The following LUZP2 variants were observed in gnomAD, a reference collection of about 807,000 sequenced individuals.
The protein encoded by LUZP2 is leucine zipper protein 2.
In LUZP2, 52 loss-of-function variants were observed where a neutral mutation model predicts 51.6. That is an observed-to-expected ratio of 1.01 (90% confidence interval 0.81 to 1.27). LUZP2 has a LOEUF of 1.27. Ranked by LOEUF, LUZP2 falls within the 50% of genes most tolerant of loss-of-function variation. The pLI, the probability that LUZP2 is intolerant of heterozygous loss-of-function variation, is 0.00. For missense variants in LUZP2, 436 were observed against 395.4 expected, an observed-to-expected ratio of 1.10 and a Z score of -0.87; for synonymous variants, 154 against 137.3, an observed-to-expected ratio of 1.12 and a Z score of -0.85.
At chr11:24,766,441 T>C (rs983560871) in intron 5 of LUZP2, among the ~76,000 whole-genome samples, 12 of 152,150 alleles carry the variant, frequency 7.9e-5, no homozygotes, top group Non-Finnish European at 1.5e-4. Flanking sequence ...TACAAGGACA[T>C]AAGAAAAAGA....
At chr11:25,046,748 T>A (rs949504948) in intron 9 of LUZP2, among the ~76,000 whole-genome samples, 2 of 152,122 alleles carry the variant, frequency 1.3e-5, no homozygotes, top group African/African-American at 2.4e-5. Context: ...ATTGAAAATT[T>A]AAAAAATCAT....
intron 1 of LUZP2, among the ~76,000 whole-genome samples, chr11:24,504,611 A>G (rs1850095629): frequency 6.6e-6 from 1 of 152,208 alleles, no homozygotes; most frequent in African/African-American, 2.4e-5. Context: ...GTCCCTCAGA[A>G]TATGCTAAGA....
At position 25,079,943 on chromosome 11, in the gene LUZP2, G is replaced by A. The variant is rs907175700; in HGVS notation, c.*1285G>A. The A allele has an allele frequency of 2.6e-5, 4 of 152,080 alleles. No individual in the cohort carries two copies. The highest frequency in any genetic ancestry group is 5.9e-5 in the Non-Finnish European group (4 of 68,006). 9.4% of individuals were successfully genotyped at this position (152,080 alleles called of 1,614,324 possible). On this transcript the variant is annotated 3_prime_UTR_variant, in exon 12 of 12. Transcript: ENST00000336930. ...TAAAGGAAATCTTTAATCAATAAAT[G>A]AACTTAGATTCTGAGATTTAATGGC...
In LUZP2 at chr11:25,082,132, T is replaced by G. The variant is rs2134068971; in HGVS notation, c.*3474T>G. The G allele has an allele frequency of 6.5e-6, 1 of 152,732 alleles. No homozygotes were observed. The highest frequency in any genetic ancestry group is 2.1e-4 in the South Asian group (1 of 4,830). The allele number at this position is 152,732 out of a possible 1,614,324, so 9.5% of individuals were successfully genotyped here. A position where few individuals can be genotyped will look rare whatever the true frequency, so the allele number is the denominator to read the frequency against. On this transcript the variant is annotated 3_prime_UTR_variant, in exon 12 of 12. Transcript: ENST00000336930. ...TCTGGATGTAGTTTTCTGTGTAATC[T>G]CAAATATCTGAATATTGAAAAAACT...
rs73431139 is a variant in LUZP2, at chr11:24,560,689, G to T, written c.62+63384G>T. On this transcript the variant is annotated intron_variant, in intron 1 of 11. Transcript: ENST00000336930. ...AATTTGATGTAGGATTCTGGAACAGGTATAATTAAAAGCTCTCCTATGCGC... is the reference window on the plus strand; with the variant it reads ...AATTTGATGTAGGATTCTGGAACAGTTATAATTAAAAGCTCTCCTATGCGC... Among the ~76,000 whole-genome samples, 508 of 152,232 alleles carry T rather than the reference G, an allele frequency of 3.3e-3. 2 individuals are homozygous for T. The highest frequency in any genetic ancestry group is 0.017 in the Middle Eastern group (5 of 294).
intron 1 of LUZP2, among the ~76,000 whole-genome samples, chr11:24,543,001 C>T (rs1034510490): frequency 1.3e-5 from 2 of 150,116 alleles, no homozygotes; most frequent in African/African-American, 4.9e-5. Flanking sequence ...AGGTTTACTA[C>T]AAGTAAATTA....
chr11:24,914,024 C>T (rs547924140), intron 6 of LUZP2, among the ~76,000 whole-genome samples: 1 of 152,128 alleles, frequency 6.6e-6, no homozygotes, highest in South Asian at 2.1e-4. Flanking sequence ...ATTGTAGCAG[C>T]TTTTCTTGCT....
At chr11:24,918,484 A>C (rs1322997790) in intron 7 of LUZP2, among the ~76,000 whole-genome samples, 4 of 151,972 alleles carry the variant, frequency 2.6e-5, no homozygotes, top group Non-Finnish European at 1.5e-5. Context: ...CAGTAGATGC[A>C]GAAAAGGCCT....
At chr11:24,844,291 A>C (rs1851129548) in intron 5 of LUZP2, among the ~76,000 whole-genome samples, 1 of 152,230 alleles carries the variant, frequency 6.6e-6, no homozygotes, top group Admixed American at 6.5e-5. Flanking sequence ...ATGTTTTAAC[A>C]AAGAGACTGG....
intron 4 of LUZP2, among the ~76,000 whole-genome samples, chr11:24,762,518 G>C (rs550631757): frequency 4.3e-4 from 66 of 152,166 alleles, no homozygotes; most frequent in Admixed American, 5.2e-4. Context: ...TTGAAAATTG[G>C]ATAAATTAAA....
At chr11:25,041,101 G>A (rs866955666) in intron 9 of LUZP2, among the ~76,000 whole-genome samples, 12 of 151,814 alleles carry the variant, frequency 7.9e-5, no homozygotes, top group Admixed American at 7.2e-4. Flanking sequence ...TTTATATTTT[G>A]TTCATTTTTT....
intron 5 of LUZP2, among the ~76,000 whole-genome samples, chr11:24,869,605 A>G (rs1399953273): frequency 2.0e-5 from 3 of 152,000 alleles, no homozygotes; most frequent in Non-Finnish European, 4.4e-5. Context: ...TACAGGGTCC[A>G]TTATTGTTAT....
rs115950005 is a variant in LUZP2, at chr11:24,928,423, G to C, written c.522+13885G>C. ...TTCCTTCTATGCTGATTTTGCTTAG[G>C]GTTATAATCATAAAGGGATGCTGGA... On this transcript the variant is annotated intron_variant, in intron 7 of 11. Coordinates refer to ENST00000336930, the MANE Select transcript of LUZP2 (RefSeq NM_001009909.4). Among the ~76,000 whole-genome samples, 485 of 151,906 alleles carry C rather than the reference G, an allele frequency of 3.2e-3. 3 individuals carry two copies. Among genetic ancestry groups the C allele is most frequent in the African/African-American group, 0.011 (447 of 41,440 alleles).
intron 5 of LUZP2, among the ~76,000 whole-genome samples, chr11:24,901,852 G>A (rs542570118): frequency 6.6e-6 from 1 of 152,070 alleles, no homozygotes; most frequent in South Asian, 2.1e-4. Flanking sequence ...TATATTTAGA[G>A]TCGAGTCCCA....
intron 5 of LUZP2, among the ~76,000 whole-genome samples, chr11:24,900,307 T>A (rs1853236817): frequency 6.6e-6 from 1 of 152,188 alleles, no homozygotes; most frequent in African/African-American, 2.4e-5. Flanking sequence ...CTAGGGTTTT[T>A]ATTAAATATC....
At chr11:25,069,078 T>A (rs977500762) in intron 10 of LUZP2, among the ~76,000 whole-genome samples, 1 of 152,046 alleles carries the variant, frequency 6.6e-6, no homozygotes, top group Admixed American at 6.6e-5. Context: ...CTTGGTAGAA[T>A]ATTGCAAAAG....
intron 1 of LUZP2, among the ~76,000 whole-genome samples, chr11:24,541,073 T>A (rs1040773947): frequency 4.6e-5 from 7 of 151,810 alleles, no homozygotes; most frequent in African/African-American, 1.7e-4. Flanking sequence ...GCCAATATGG[T>A]GAAACCCCGT....
chr11:24,983,407 A>G (rs1856097265), intron 9 of LUZP2, 114 bp downstream of exon 9: 4 of 1,089,818 alleles, frequency 3.7e-6, no homozygotes, highest in Non-Finnish European at 5.2e-6. Context: ...ATCCATTGAA[A>G]GATTAGGAGG....
intron 9 of LUZP2, among the ~76,000 whole-genome samples, chr11:25,038,907 T>A (rs1857948538): frequency 6.6e-6 from 1 of 152,182 alleles, no homozygotes; most frequent in Non-Finnish European, 1.5e-5. Flanking sequence ...GGGGTAGAAT[T>A]AGTAAAGTGA....
Sources: allele counts gnomAD v4.1 joint callset (sites outside exome capture counted in the v4.1 genomes callset), GRCh38; gene constraint gnomAD v4.1.1; transcripts MANE v1.5; gene names NCBI Gene and HGNC (gene_info 2026-07-23, HGNC 2026-07-21).